MAML2: variants seen among roughly 807,000 people sequenced by gnomAD.
MAML2 encodes mastermind-like protein 2.
In MAML2, 22 loss-of-function variants were observed where a neutral mutation model predicts 96.1. The observed-to-expected ratio is 0.23, with a 90% CI of 0.16 to 0.33. The LOEUF (loss-of-function observed/expected upper bound fraction) is 0.33. MAML2 is among the 10% of genes least tolerant of loss of function. The probability of loss-of-function intolerance (pLI) is 1.00; values close to 1 mark genes in which losing one functional copy is unlikely to be tolerated. For missense variants in MAML2, 1,367 were observed against 1,392.4 expected (o/e 0.98, Z 0.29); for synonymous variants, 561 against 521.3 (o/e 1.08, Z -1.04).
intron 1 of MAML2, among the ~76,000 whole-genome samples, chr11:96,143,386 T>C (rs1804833652): frequency 6.6e-6 from 1 of 152,114 alleles, no homozygotes; most frequent in Non-Finnish European, 1.5e-5. Flanking sequence ...AACAGGAAAA[T>C]CTTTGAGCCC....
chr11:96,313,840 G>T (rs1394802326), intron 1 of MAML2, among the ~76,000 whole-genome samples: 1 of 152,044 alleles, frequency 6.6e-6, no homozygotes, highest in South Asian at 2.1e-4. Flanking sequence ...CAGATATTAG[G>T]GTTTTACAGC....
intron 1 of MAML2, among the ~76,000 whole-genome samples, chr11:96,310,225 GC>G (rs1290512979): frequency 6.6e-6 from 1 of 152,066 alleles, no homozygotes; most frequent in African/African-American, 2.4e-5. Flanking sequence ...GTTGTCAGAA[GC>G]TAAAGGTTAT....
At chr11:96,133,292 T>C (rs983923461) in intron 1 of MAML2, among the ~76,000 whole-genome samples, 1 of 152,262 alleles carries the variant, frequency 6.6e-6, no homozygotes, top group African/African-American at 2.4e-5. Flanking sequence ...TCAATTTTTG[T>C]TGAATGCCAT....
chr11:96,054,282 T>A (rs1859030054), intron 2 of MAML2, among the ~76,000 whole-genome samples: 1 of 152,228 alleles, frequency 6.6e-6, no homozygotes, highest in South Asian at 2.1e-4. Flanking sequence ...ATACTATTAA[T>A]TTGTGCCTTA....
At chr11:96,160,762 C>A (rs1461371098) in intron 1 of MAML2, among the ~76,000 whole-genome samples, 1 of 152,142 alleles carries the variant, frequency 6.6e-6, no homozygotes, top group Non-Finnish European at 1.5e-5. Context: ...GACTAACACT[C>A]CCCAATTTAA....
intron 1 of MAML2, among the ~76,000 whole-genome samples, chr11:96,164,927 G>A (rs761092938): frequency 1.3e-5 from 2 of 152,120 alleles, no homozygotes; most frequent in Non-Finnish European, 2.9e-5. Flanking sequence ...TTCCATAAAT[G>A]TCTTAGTGGC....
At chr11:96,254,984 AT>A (rs770655630) in intron 1 of MAML2, among the ~76,000 whole-genome samples, 1 of 151,562 alleles carries the variant, frequency 6.6e-6, no homozygotes, top group Admixed American at 6.6e-5. Flanking sequence ...CCCAGCTAAA[AT>A]TTTTTTGGCA....
At position 96,151,283 on chromosome 11, in the gene MAML2, G is replaced by A. The variant is rs114235222; in HGVS notation, c.514-57766C>T. On this transcript the variant is annotated intron_variant, in intron 1 of 4. Transcript: ENST00000524717. ...CCATAGGGCTGAGCTAAAATGCAGCGTCTTTCTTGATTTCTCCAAGGGGTG... is the reference window on the plus strand; with the variant it reads ...CCATAGGGCTGAGCTAAAATGCAGCATCTTTCTTGATTTCTCCAAGGGGTG... 3.6e-3 allele frequency among the ~76,000 whole-genome samples: 553 copies of A among 152,278 alleles called. 3 individuals are homozygous for A. The highest frequency in any genetic ancestry group is 0.012 in the African/African-American group (495 of 41,560).
At chr11:96,171,721 T>G (rs1320302500) in intron 1 of MAML2, among the ~76,000 whole-genome samples, 1 of 152,158 alleles carries the variant, frequency 6.6e-6, no homozygotes, top group East Asian at 1.9e-4. Flanking sequence ...AGGGTGATAG[T>G]AGAAACCAAA....
chr11:96,034,968 T>G (rs1454143381), intron 2 of MAML2, among the ~76,000 whole-genome samples: 2 of 152,180 alleles, frequency 1.3e-5, no homozygotes, highest in East Asian at 3.9e-4. Flanking sequence ...GTTTAAAAGA[T>G]TAAAAGGCTT....
rs1565407261 is a variant in MAML2 at position 95,976,829 on chromosome 11, A to C, written c.*2119T>G. On this transcript the variant is annotated 3_prime_UTR_variant, in exon 5 of 5. Coordinates refer to ENST00000524717, the MANE Select transcript of MAML2 (RefSeq NM_032427.4). ...GTAACATGGAGGAGCCATACAACAA[A>C]AGCGTTTATATGTACATCATTTTTT... 1 of 186,146 alleles carries C rather than the reference A, an allele frequency of 5.4e-6. No individual in the cohort carries two copies. The highest frequency in any genetic ancestry group is 1.1e-5 in the Non-Finnish European group (1 of 88,066). The allele number at this position is 186,146 out of a possible 1,614,324, so 11.5% of individuals were successfully genotyped here. A position where few individuals can be genotyped will look rare whatever the true frequency, so the allele number is the denominator to read the frequency against.
At chr11:96,090,485 C>G (rs1859685878) in intron 2 of MAML2, among the ~76,000 whole-genome samples, 1 of 152,148 alleles carries the variant, frequency 6.6e-6, no homozygotes, top group Non-Finnish European at 1.5e-5. Context: ...GGTGACACAG[C>G]TAAGACTGTC....
At chr11:96,080,811 T>C (rs1859518838) in intron 2 of MAML2, among the ~76,000 whole-genome samples, 1 of 152,224 alleles carries the variant, frequency 6.6e-6, no homozygotes, top group Non-Finnish European at 1.5e-5. Context: ...CATAGTTTTG[T>C]TCTATCTGAA....
chr11:96,199,523 A>ATTT (rs71459792), intron 1 of MAML2, among the ~76,000 whole-genome samples: 6 of 143,788 alleles, frequency 4.2e-5, no homozygotes, highest in African/African-American at 1.3e-4. Context: ...GTTTCAGATA[A>ATTT]TTTTTTTTTT....
intron 1 of MAML2, among the ~76,000 whole-genome samples, chr11:96,133,470 T>C (rs879318081): frequency 1.1e-4 from 17 of 152,228 alleles, no homozygotes; most frequent in Non-Finnish European, 1.9e-4. Context: ...GTAGCCCGTA[T>C]ACAGTCATTA....
chr11:96,210,334 C>G (rs551921794), intron 1 of MAML2, among the ~76,000 whole-genome samples: 9 of 152,174 alleles, frequency 5.9e-5, no homozygotes, highest in Non-Finnish European at 1.3e-4. Flanking sequence ...GTCTGGAACT[C>G]CTGACCTCAG....
chr11:96,253,070 C>T (rs953470747), intron 1 of MAML2, among the ~76,000 whole-genome samples: 2 of 152,166 alleles, frequency 1.3e-5, no homozygotes, highest in Non-Finnish European at 2.9e-5. Flanking sequence ...TAATCCCCCT[C>T]GCACAGAAAT....
At chr11:96,218,903 A>AT (rs1286343531) in intron 1 of MAML2, among the ~76,000 whole-genome samples, 1 of 152,204 alleles carries the variant, frequency 6.6e-6, no homozygotes, top group Non-Finnish European at 1.5e-5. Context: ...AGCATTTTAT[A>AT]TTTTTATTTG....
At chr11:96,184,173 C>T (rs1313361203) in intron 1 of MAML2, among the ~76,000 whole-genome samples, 10 of 152,168 alleles carry the variant, frequency 6.6e-5, no homozygotes, top group African/African-American at 1.9e-4. Flanking sequence ...CTGGGCACGG[C>T]GGCTCACGCC....
Sources: gnomAD v4.1 joint callset for allele counts (sites outside exome capture counted in the v4.1 genomes callset) on GRCh38, gnomAD v4.1.1 for gene constraint, MANE v1.5 for transcripts, NCBI Gene and HGNC (gene_info 2026-07-23, HGNC 2026-07-21) for gene names.